MACF1: variants seen among roughly 807,000 people sequenced by gnomAD.
The protein encoded by MACF1 is microtubule-actin cross-linking factor 1.
Under a neutral mutation model 854.8 loss-of-function variants are expected in MACF1, and 193 were observed. The observed-to-expected ratio is 0.23, with a 90% CI of 0.20 to 0.25. MACF1 has a LOEUF of 0.25. Among genes scored for constraint, MACF1 ranks in the 10% least tolerant of loss-of-function variants. The probability of loss-of-function intolerance (pLI) is 1.00; values close to 1 mark genes in which losing one functional copy is unlikely to be tolerated. For missense variants in MACF1, 7,722 were observed against 8,929.1 expected (o/e 0.86, Z 5.45); for synonymous variants, 3,185 against 3,226.7 (o/e 0.99, Z 0.44).
intron 44 of MACF1, among the ~76,000 whole-genome samples, chr1:39,353,473 GT>G (rs1293567280): frequency 6.6e-6 from 1 of 152,086 alleles, no homozygotes; most frequent in Non-Finnish European, 1.5e-5. Flanking sequence ...AAATACTGAT[GT>G]TTCCAGGTGT....
At chr1:39,426,723 G>C (rs986116920) in intron 61 of MACF1, among the ~76,000 whole-genome samples, 1 of 152,076 alleles carries the variant, frequency 6.6e-6, no homozygotes, top group Admixed American at 6.6e-5. Flanking sequence ...TTAAATAAGA[G>C]TTAAGATTCC....
intron 6 of MACF1, among the ~76,000 whole-genome samples, chr1:39,276,492 C>T (rs1179554612): frequency 1.3e-5 from 2 of 152,182 alleles, no homozygotes; most frequent in Admixed American, 6.5e-5. Flanking sequence ...TAAACCTTCT[C>T]ATTTTAACAG....
At chr1:39,407,445 A>T (rs942903702) in intron 58 of MACF1, among the ~76,000 whole-genome samples, 1 of 152,224 alleles carries the variant, frequency 6.6e-6, no homozygotes, top group Non-Finnish European at 1.5e-5. Flanking sequence ...TGCCTTTAAA[A>T]GTTTTAGAAC....
In MACF1 at chr1:39,387,592, C is replaced by A; in HGVS notation, c.14750C>A (p.Pro4917Gln). The change falls in exon 58 of 101, where the codon CCA becomes CAA. Residue 4917 changes from proline to glutamine, a missense_variant. Physicochemically the swap from Pro to Gln is moderately conservative, Grantham distance 76. This residue lies in a region of MACF1 where 2,807 missense variants were observed against 3,235.8 expected (regional missense o/e 0.87). Transcript: ENST00000564288. The part of the protein sequence containing the change: ...KYQWHVEDLV[P>Q]WIEDCKAKMS... Reference sequence around the variant, plus strand: ...CAGTGGCATGTGGAAGACCTTGTGCCATGGATAGAAGATTGTAAAGCTAAG... The same window carrying A: ...CAGTGGCATGTGGAAGACCTTGTGCAATGGATAGAAGATTGTAAAGCTAAG... 1 of 1,614,112 alleles carries A rather than the reference C, an allele frequency of 6.2e-7. No individual in the cohort carries two copies. Among genetic ancestry groups the A allele is most frequent in the Non-Finnish European group, 8.5e-7 (1 of 1,180,028 alleles).
chr1:39,353,295 C>A, intron 44 of MACF1, 64 bp downstream of exon 44: 2 of 1,260,820 alleles, frequency 1.6e-6, no homozygotes, highest in Non-Finnish European at 2.2e-6. Context: ...CAAGTAACCA[C>A]AATCACCTTG....
At chr1:39,448,871 T>G in intron 84 of MACF1, 108 bp downstream of exon 84, 1 of 795,734 alleles carries the variant, frequency 1.3e-6, no homozygotes. Flanking sequence ...TAAGAGGTTT[T>G]GTACCATCTT....
In MACF1 at chr1:39,385,484, T is replaced by G. The variant is rs1417471916; in HGVS notation, c.13899T>G (p.Asn4633Lys). 1 of 1,614,192 alleles carries G rather than the reference T, an allele frequency of 6.2e-7. No homozygotes were observed. ...GCAGGCAACAGCATGAGCAACTGAA[T>G]GAGGCAGCTCAGGGCATCCTAACAG... ...EARRQQHEQL[N>K]EAAQGILTGP... is the part of the protein sequence containing the mutation. The change falls in exon 57 of 101, where the codon AAT becomes AAG. Residue 4633 changes from asparagine (N) to lysine (K), a missense_variant. Coordinates refer to ENST00000564288, the MANE Select transcript of MACF1 (RefSeq NM_001394062.1).
chr1:39,105,305 C>A lies in MACF1; in HGVS notation c.220+20867C>A. 1 of 667,992 alleles carries A rather than the reference C, an allele frequency of 1.5e-6. No homozygotes were observed. The highest frequency in any genetic ancestry group is 1.8e-6 in the Non-Finnish European group (1 of 540,670). 41.4% of individuals were successfully genotyped at this position (667,992 alleles called of 1,614,324 possible). On this transcript the variant is annotated intron_variant, in intron 2 of 93. Coordinates refer to the MACF1 transcript ENST00000361689. This position sits in a 1 kb window ranked among gnomAD's most constrained non-coding sequence, Gnocchi z 5.9. ...GGGGCGGGGAACGGGCCGGGCCTGG[C>A]GCTCCTGACAGGAGGAGCCGCCGCC...
intron 58 of MACF1, among the ~76,000 whole-genome samples, chr1:39,405,753 A>G (rs1642671082): frequency 1.3e-5 from 2 of 152,206 alleles, no homozygotes; most frequent in South Asian, 2.1e-4. Context: ...CCGGAAACTC[A>G]TTTGAAATTT....
At position 39,460,540 on chromosome 1, in the gene MACF1, C is replaced by A; in HGVS notation, c.21361-92C>A. 1 of 1,102,800 alleles carries A rather than the reference C, an allele frequency of 9.1e-7. No homozygotes were observed. Among genetic ancestry groups the A allele is most frequent in the Non-Finnish European group, 1.4e-6 (1 of 734,696 alleles). The allele number at this position is 1,102,800 out of a possible 1,614,324, so 68.3% of individuals were successfully genotyped here. A position where few individuals can be genotyped will look rare whatever the true frequency, so the allele number is the denominator to read the frequency against. ...TTGTTGATGGCCCCTGGAAGCATGG[C>A]TTTACTGAATGTCTGAAAGTTTGGG... On this transcript the variant is annotated intron_variant, in intron 91 of 100. Coordinates refer to ENST00000564288, the MANE Select transcript of MACF1 (RefSeq NM_001394062.1). This position sits in a 1 kb window ranked among gnomAD's most constrained non-coding sequence, Gnocchi z 4.1.
rs1643894000 is a variant in MACF1 at position 39,432,614 on chromosome 1, T to C, written c.17417T>C (p.Leu5806Pro). The change falls in exon 67 of 101, where the codon CTG becomes CCG. Residue 5806 changes from leucine (L) to proline (P), a missense_variant. Around this residue, in one of 15 missense-constraint regions of MACF1, gnomAD observed 2,807 missense variants for 3,235.8 expected, o/e 0.87. Transcript: ENST00000564288. ...RKLMALGPIR[L>P]EQDQTTAQLQ... ...CTGATGGCTCTGGGTCCAATTCGCC[T>C]GGAACAGGACCAGACCACAGCTCAG... is the stretch of plus-strand genomic sequence containing the variant. The C allele has an allele frequency of 6.2e-7, 1 of 1,614,066 alleles. No individual in the cohort carries two copies. Among genetic ancestry groups the C allele is most frequent in the Non-Finnish European group, 8.5e-7 (1 of 1,179,960 alleles).
chr1:39,470,919 G>A (rs1229476462), intron 97 of MACF1, among the ~76,000 whole-genome samples: 1 of 152,108 alleles, frequency 6.6e-6, no homozygotes, highest in Non-Finnish European at 1.5e-5. Flanking sequence ...ACATCATGCT[G>A]CTGGCCAAGG....
At chr1:39,092,210 G>A (rs1357989630) in intron 2 of MACF1, among the ~76,000 whole-genome samples, 10 of 152,220 alleles carry the variant, frequency 6.6e-5, no homozygotes, top group South Asian at 4.1e-4. Context: ...TTTGGCTTTC[G>A]TAGGAAGGAA....
intron 38 of MACF1, among the ~76,000 whole-genome samples, chr1:39,338,256 GGTT>G (rs200500028): frequency 0.014 from 500 of 36,292 alleles, 6 homozygotes; most frequent in South Asian, 0.12. Flanking sequence ...AGGTTTTTTG[GGTT>G]GTTTTTTTTT....
intron 58 of MACF1, among the ~76,000 whole-genome samples, chr1:39,415,035 A>C (rs1309227228): frequency 1.3e-5 from 2 of 152,234 alleles, no homozygotes; most frequent in Non-Finnish European, 2.9e-5. Context: ...CACTGGCCAT[A>C]TCCTCCCCAT....
intron 2 of MACF1, among the ~76,000 whole-genome samples, chr1:39,246,583 A>G (rs1381223072): frequency 6.6e-6 from 1 of 152,012 alleles, no homozygotes; most frequent in African/African-American, 2.4e-5. Context: ...ATCTTGGCTC[A>G]CTGCAACCTC....
intron 2 of MACF1, among the ~76,000 whole-genome samples, chr1:39,142,247 C>G (rs1023519560): frequency 6.6e-6 from 1 of 152,272 alleles, no homozygotes; most frequent in African/African-American, 2.4e-5. Flanking sequence ...AAACTGCCAG[C>G]CTCCTGTTGC....
chr1:39,109,827 T>A (rs1002727226), intron 2 of MACF1, among the ~76,000 whole-genome samples: 1 of 152,204 alleles, frequency 6.6e-6, no homozygotes, highest in Non-Finnish European at 1.5e-5. Context: ...AGTAGATGAC[T>A]TGGGCTAAGT....
At chr1:39,147,765 C>G (rs1643500013) in intron 2 of MACF1, among the ~76,000 whole-genome samples, 1 of 152,076 alleles carries the variant, frequency 6.6e-6, no homozygotes, top group Admixed American at 6.6e-5. Flanking sequence ...CCCACTTGGC[C>G]CTATTTATTT....
Sources: gnomAD v4.1 joint callset for allele counts (sites outside exome capture counted in the v4.1 genomes callset) on GRCh38, gnomAD v4.1.1 for gene constraint, gnomAD v4.1.1 regional missense constraint, Gnocchi (gnomAD v3.1) non-coding constraint, MANE v1.5 for transcripts, NCBI Gene and HGNC (gene_info 2026-07-23, HGNC 2026-07-21) for gene names.